PLCB4: variants seen among roughly 807,000 people sequenced by gnomAD.
PLCB4 encodes 1-phosphatidylinositol 4,5-bisphosphate phosphodiesterase beta-4.
Under a neutral mutation model 178.8 loss-of-function variants are expected in PLCB4, and 77 were observed. That is an observed-to-expected ratio of 0.43 (90% CI 0.36 to 0.52). The LOEUF (loss-of-function observed/expected upper bound fraction) is 0.52. Among genes scored for constraint, PLCB4 ranks in the 20% least tolerant of loss-of-function variants. The probability of loss-of-function intolerance (pLI) is 0.00; values close to 1 mark genes in which losing one functional copy is unlikely to be tolerated. For missense variants in PLCB4, 1,024 were observed against 1,453.4 expected (o/e 0.70, Z 4.80); for synonymous variants, 496 against 490.8 (o/e 1.01, Z -0.14).
intron 38 of PLCB4, among the ~76,000 whole-genome samples, chr20:9,474,703 A>G (rs1052345285): frequency 6.7e-6 from 1 of 149,928 alleles, no homozygotes; most frequent in Non-Finnish European, 1.5e-5. Flanking sequence ...AATAAAATAA[A>G]ATCTTTTTTG....
chr20:9,340,520 T>A (rs2033060932), intron 7 of PLCB4, among the ~76,000 whole-genome samples: 1 of 152,136 alleles, frequency 6.6e-6, no homozygotes, highest in African/African-American at 2.4e-5. Context: ...GTTCTGTCCT[T>A]ATTGTGGTGG....
chr20:9,120,335 G>A (rs1271004571), intron 2 of PLCB4, among the ~76,000 whole-genome samples: 2 of 151,918 alleles, frequency 1.3e-5, no homozygotes, highest in Non-Finnish European at 2.9e-5. Context: ...CCCTTGACAC[G>A]CTCCTTTTCT....
rs569954006 is a variant in PLCB4 at position 9,474,990 on chromosome 20, C to T, written c.3495+1625C>T. Among the ~76,000 whole-genome samples, 5 of 152,258 alleles carry T rather than the reference C, an allele frequency of 3.3e-5. No homozygotes were observed. The South Asian group carries it at 1.0e-3, about 32-fold the overall frequency. ...CTTAAAGCACTTCTCAGAAAGTGCT[C>T]CTGGGGGAAATATGGGAATATGAGT... On this transcript the variant is annotated intron_variant, in intron 38 of 39. Coordinates refer to ENST00000378473, the MANE Select transcript of PLCB4 (RefSeq NM_001377142.1).
intron 1 of PLCB4, among the ~76,000 whole-genome samples, chr20:9,084,027 T>C (rs1051778304): frequency 9.9e-5 from 15 of 152,214 alleles, no homozygotes; most frequent in African/African-American, 3.6e-4. Context: ...AGAAACAAAG[T>C]ATTACAGACC....
chr20:9,105,129 G>T (rs1336152674), intron 2 of PLCB4, among the ~76,000 whole-genome samples: 1 of 152,090 alleles, frequency 6.6e-6, no homozygotes, highest in African/African-American at 2.4e-5. Flanking sequence ...TACTATGATT[G>T]TTGATTAAAA....
intron 28 of PLCB4, among the ~76,000 whole-genome samples, chr20:9,429,017 A>G (rs1323022316): frequency 6.6e-6 from 1 of 152,184 alleles, no homozygotes; most frequent in Non-Finnish European, 1.5e-5. Flanking sequence ...GCCTACATGG[A>G]GAGTCTTTAC....
chr20:9,158,549 G>A (rs1174484698), intron 2 of PLCB4, among the ~76,000 whole-genome samples: 18 of 149,904 alleles, frequency 1.2e-4, no homozygotes, highest in Non-Finnish European at 2.4e-4. Context: ...GATTACAGGC[G>A]TGAGCCACTG....
At chr20:9,277,756 C>T (rs1047400488) in intron 3 of PLCB4, among the ~76,000 whole-genome samples, 2 of 151,924 alleles carry the variant, frequency 1.3e-5, no homozygotes, top group African/African-American at 4.8e-5. Flanking sequence ...AGTACTGTGA[C>T]AGAAGGCCAT....
At chr20:9,384,881 TA>T (rs2037451536) in intron 14 of PLCB4, among the ~76,000 whole-genome samples, 1 of 151,228 alleles carries the variant, frequency 6.6e-6, no homozygotes, top group South Asian at 2.1e-4. Flanking sequence ...GGTCATAGGA[TA>T]ATAGTGGAGA....
At chr20:9,398,673 C>T (rs2038792935) in intron 19 of PLCB4, among the ~76,000 whole-genome samples, 2 of 143,594 alleles carry the variant, frequency 1.4e-5, no homozygotes, top group Non-Finnish European at 3.0e-5. Flanking sequence ...AACCTGTATA[C>T]AGCCTGATGA....
At position 9,413,193 on chromosome 20, in the gene PLCB4, G is replaced by A. The variant is rs534622386; in HGVS notation, c.2051+2105G>A. Among the ~76,000 whole-genome samples, 286 of 152,268 alleles carry A rather than the reference G, an allele frequency of 1.9e-3. 1 individual carries two copies. The highest frequency in any genetic ancestry group is 3.1e-3 in the Non-Finnish European group (210 of 68,024). On this transcript the variant is annotated intron_variant, in intron 25 of 39. Transcript: ENST00000378473. ...CACTTCTGAAAACTTGCAGTGGCCC[G>A]GTGATGCTTGAAGCACTTTCCTTGC...
At chr20:9,194,963 T>G (rs933066823) in intron 2 of PLCB4, among the ~76,000 whole-genome samples, 2 of 152,202 alleles carry the variant, frequency 1.3e-5, no homozygotes. Context: ...TGGATCAGAC[T>G]GTAAGCTTTT....
intron 2 of PLCB4, among the ~76,000 whole-genome samples, chr20:9,118,897 A>T (rs1257701503): frequency 1.3e-5 from 2 of 152,192 alleles, no homozygotes; most frequent in African/African-American, 2.4e-5. Flanking sequence ...GTTAACTGTC[A>T]CCTTTATTAA....
chr20:9,128,651 G>A (rs533697871), intron 2 of PLCB4, among the ~76,000 whole-genome samples: 23 of 152,158 alleles, frequency 1.5e-4, no homozygotes, highest in Non-Finnish European at 3.4e-4. Flanking sequence ...GCCTCCTAAA[G>A]TGCTGGGATT....
intron 2 of PLCB4, among the ~76,000 whole-genome samples, chr20:9,154,311 G>A (rs558544346): frequency 3.9e-5 from 6 of 152,314 alleles, no homozygotes; most frequent in Admixed American, 1.3e-4. Context: ...GGGAAATGTA[G>A]TCTTGTTTTG....
chr20:9,301,573 G>C (rs191993541), intron 3 of PLCB4, among the ~76,000 whole-genome samples: 21 of 152,188 alleles, frequency 1.4e-4, no homozygotes, highest in Admixed American at 3.3e-4. Flanking sequence ...AGTAGGCCAA[G>C]AAAACCAAAT....
chr20:9,131,599 G>T (rs533162605), intron 2 of PLCB4, among the ~76,000 whole-genome samples: 129 of 152,132 alleles, frequency 8.5e-4, no homozygotes, highest in Non-Finnish European at 1.6e-3. Flanking sequence ...CATATATGTA[G>T]TCACTGATTT....
rs1339544065 is a variant in PLCB4, at chr20:9,408,702, C to T, written c.1859C>T (p.Ala620Val). Residue 620 changes from alanine to valine, a missense_variant, in exon 23 of 40, where the codon GCA becomes GTA. Around this residue, in one of 7 missense-constraint regions of PLCB4, gnomAD observed 263 missense variants for 417.4 expected, o/e 0.63. Transcript: ENST00000378473. ...GGTCTTGGCTACTTGAAGACACATG[C>T]AATTGAATTTGTCAAGTATCCTTAT... ...SVGLGYLKTH[A>V]IEFVNYNKRQ... 1.3e-6 allele frequency: 2 copies of T among 1,562,974 alleles called. No individual in the cohort carries two copies. The highest frequency in any genetic ancestry group is 1.7e-5 in the Admixed American group (1 of 59,936).
At chr20:9,449,560 T>C (rs2042625793) in intron 32 of PLCB4, among the ~76,000 whole-genome samples, 1 of 152,196 alleles carries the variant, frequency 6.6e-6, no homozygotes, top group African/African-American at 2.4e-5. Flanking sequence ...GATCTTTTAC[T>C]ATCGGCGTCT....
Sources: gnomAD v4.1 joint callset for allele counts (sites outside exome capture counted in the v4.1 genomes callset) on GRCh38, gnomAD v4.1.1 for gene constraint, gnomAD v4.1.1 regional missense constraint, MANE v1.5 for transcripts, NCBI Gene and HGNC (gene_info 2026-07-23, HGNC 2026-07-21) for gene names.